The following LARGE1 variants were observed in gnomAD, a reference collection of about 807,000 sequenced individuals.
The protein encoded by LARGE1 is xylosyl- and glucuronyltransferase LARGE1.
In LARGE1, 43 loss-of-function variants were observed where a neutral mutation model predicts 87.6. The observed-to-expected ratio is 0.49, with a 90% CI of 0.38 to 0.63. LARGE1 has a LOEUF of 0.63. LARGE1 is among the 30% of genes least tolerant of loss of function. The probability of loss-of-function intolerance (pLI) is 0.00; values close to 1 mark genes in which losing one functional copy is unlikely to be tolerated. For missense variants in LARGE1, 802 were observed against 1,000.2 expected (o/e 0.80, Z 2.67); for synonymous variants, 434 against 394.6 (o/e 1.10, Z -1.18).
At chr22:33,807,985 T>C (rs2086368003) in intron 1 of LARGE1, among the ~76,000 whole-genome samples, 1 of 152,232 alleles carries the variant, frequency 6.6e-6, no homozygotes, top group Admixed American at 6.5e-5. Flanking sequence ...GGTTTCTGTG[T>C]GGACGTAAGT....
chr22:33,866,189 C>CATAA (rs2064097760), intron 1 of LARGE1, among the ~76,000 whole-genome samples: 2 of 151,956 alleles, frequency 1.3e-5, no homozygotes, highest in Admixed American at 6.6e-5. Context: ...AGATGACACT[C>CATAA]ATAAATGATC....
chr22:33,321,921 C>T (rs1040840660), intron 10 of LARGE1, among the ~76,000 whole-genome samples: 4 of 152,108 alleles, frequency 2.6e-5, no homozygotes, highest in East Asian at 1.9e-4. Context: ...CGGGTTCAAG[C>T]GATTCTCCTG....
intron 6 of LARGE1, among the ~76,000 whole-genome samples, chr22:33,533,889 G>C (rs1602292784): frequency 7.1e-6 from 1 of 141,162 alleles, no homozygotes; most frequent in Non-Finnish European, 1.6e-5. Flanking sequence ...TTAATTTCAG[G>C]TTTTTTTTTT....
chr22:33,789,920 T>C (rs888890817), intron 1 of LARGE1, among the ~76,000 whole-genome samples: 1 of 152,162 alleles, frequency 6.6e-6, no homozygotes, highest in African/African-American at 2.4e-5. Flanking sequence ...TGTGGACTTT[T>C]GAGTTAATGC....
At chr22:33,483,633 G>T (rs563378092) in intron 6 of LARGE1, among the ~76,000 whole-genome samples, 1 of 152,192 alleles carries the variant, frequency 6.6e-6, no homozygotes, top group South Asian at 2.1e-4. Flanking sequence ...GGAGGGGTCG[G>T]GCTGCATTAA....
intron 1 of LARGE1, among the ~76,000 whole-genome samples, chr22:33,855,028 A>G (rs1248271841): frequency 2.0e-5 from 3 of 152,128 alleles, no homozygotes; most frequent in Non-Finnish European, 4.4e-5. Flanking sequence ...CATTCTGGAG[A>G]AGGTGGCATA....
intron 2 of LARGE1, among the ~76,000 whole-genome samples, chr22:33,656,708 G>C (rs2149211461): frequency 6.6e-6 from 1 of 152,244 alleles, no homozygotes; most frequent in Admixed American, 6.5e-5. Flanking sequence ...ATACGTGTGT[G>C]TGTTGATCTG....
At chr22:33,882,343 T>C (rs2064721309) in intron 1 of LARGE1, among the ~76,000 whole-genome samples, 1 of 152,186 alleles carries the variant, frequency 6.6e-6, no homozygotes, top group Admixed American at 6.5e-5. Flanking sequence ...TCTCTTTGCC[T>C]TCTATGAAAT....
intron 2 of LARGE1, among the ~76,000 whole-genome samples, chr22:33,718,211 A>G (rs895099229): frequency 3.9e-5 from 6 of 152,204 alleles, no homozygotes; most frequent in African/African-American, 1.4e-4. Context: ...CTGGGGATCA[A>G]TACCAACAGG....
At chr22:33,246,632 C>T (rs980640764) in intron 11 of LARGE1, among the ~76,000 whole-genome samples, 24 of 152,038 alleles carry the variant, frequency 1.6e-4, no homozygotes, top group African/African-American at 5.3e-4. Context: ...GGTGCCAGAG[C>T]GAGACTCCAT....
intron 5 of LARGE1, among the ~76,000 whole-genome samples, chr22:33,584,813 C>T (rs2078622634): frequency 6.6e-6 from 1 of 152,116 alleles, no homozygotes; most frequent in South Asian, 2.1e-4. Context: ...GCTTAGAAGT[C>T]ACAGATGAAA....
intron 10 of LARGE1, among the ~76,000 whole-genome samples, chr22:33,325,769 C>T (rs1444991162): frequency 2.0e-5 from 3 of 152,226 alleles, no homozygotes; most frequent in South Asian, 4.1e-4. Flanking sequence ...GGGGAAATTA[C>T]CACTCAAGCA....
intron 2 of LARGE1, among the ~76,000 whole-genome samples, chr22:33,720,468 A>G (rs905677086): frequency 2.0e-5 from 3 of 152,196 alleles, no homozygotes; most frequent in Non-Finnish European, 2.9e-5. Context: ...GCTATACTAT[A>G]TAGGCTAGGT....
intron 2 of LARGE1, among the ~76,000 whole-genome samples, chr22:33,683,080 T>C (rs184687961): frequency 2.0e-3 from 299 of 152,344 alleles, no homozygotes; most frequent in African/African-American, 6.9e-3. Flanking sequence ...CCATAAGATA[T>C]ACGATGCAAT....
At chr22:33,526,153 TTA>T (rs1460795284) in intron 6 of LARGE1, among the ~76,000 whole-genome samples, 1 of 152,066 alleles carries the variant, frequency 6.6e-6, no homozygotes, top group African/African-American at 2.4e-5. Context: ...CTTGAAAACA[TTA>T]TGTTAGGTTG....
chr22:33,655,988 A>G (rs1229008643), intron 2 of LARGE1, among the ~76,000 whole-genome samples: 4 of 152,166 alleles, frequency 2.6e-5, no homozygotes, highest in African/African-American at 9.7e-5. Flanking sequence ...TAAATAACTT[A>G]GGCAAAATAC....
chr22:33,907,684 C>G (rs2065495953), intron 1 of LARGE1, among the ~76,000 whole-genome samples: 2 of 152,114 alleles, frequency 1.3e-5, no homozygotes, highest in Non-Finnish European at 1.5e-5. Flanking sequence ...TCTCCTGCCT[C>G]AGCCTCCTGA....
At chr22:33,759,872 T>C (rs1181757928) in intron 2 of LARGE1, among the ~76,000 whole-genome samples, 1 of 152,146 alleles carries the variant, frequency 6.6e-6, no homozygotes, top group South Asian at 2.1e-4. Context: ...ATTGGCTCTA[T>C]CTACCTGCTT....
At chr22:33,516,880 A>G (rs541792279) in intron 6 of LARGE1, among the ~76,000 whole-genome samples, 21 of 152,228 alleles carry the variant, frequency 1.4e-4, no homozygotes, top group African/African-American at 4.8e-4. Flanking sequence ...CACCATGCCC[A>G]GCCCACTTCC....
Sources: gnomAD v4.1 joint callset for allele counts (sites outside exome capture counted in the v4.1 genomes callset) on GRCh38, gnomAD v4.1.1 for gene constraint, MANE v1.5 for transcripts, NCBI Gene and HGNC (gene_info 2026-07-23, HGNC 2026-07-21) for gene names.